Variants in AP2B1 observed in about 807,000 individuals in gnomAD.
The protein encoded by AP2B1 is AP-2 complex subunit beta.
A neutral mutation model predicts 102.0 loss-of-function variants in AP2B1; 23 were observed. The observed-to-expected ratio is 0.23, with a 90% confidence interval of 0.16 to 0.32. AP2B1 has a LOEUF of 0.32. Ranked by LOEUF, AP2B1 falls within the 10% of genes least tolerant of loss-of-function variation. The probability of loss-of-function intolerance (pLI) is 1.00; values close to 1 mark genes in which losing one functional copy is unlikely to be tolerated. For missense variants in AP2B1, 541 were observed against 1,157.4 expected (o/e 0.47, Z 7.73); for synonymous variants, 381 against 421.2 (o/e 0.90, Z 1.17).
At chr17:35,704,103 T>C (rs1165488986) in intron 18 of AP2B1, among the ~76,000 whole-genome samples, 2 of 152,194 alleles carry the variant, frequency 1.3e-5, no homozygotes, top group Non-Finnish European at 2.9e-5. Context: ...TCTTTAAAGC[T>C]GATTTAGTTA....
intron 13 of AP2B1, among the ~76,000 whole-genome samples, chr17:35,655,397 G>A (rs1160592517): frequency 6.6e-6 from 1 of 152,124 alleles, no homozygotes; most frequent in Non-Finnish European, 1.5e-5. Context: ...GATTCATTTT[G>A]TCTGTTCCTG....
At chr17:35,717,428 A>G in intron 21 of AP2B1, 79 bp downstream of exon 21, 8 of 1,510,832 alleles carry the variant, frequency 5.3e-6, no homozygotes, top group Non-Finnish European at 7.3e-6. Flanking sequence ...AGCACCCTAG[A>G]AAGACCTGGA....
intron 9 of AP2B1, among the ~76,000 whole-genome samples, chr17:35,629,205 C>T (rs1261464187): frequency 2.0e-5 from 3 of 152,192 alleles, no homozygotes; most frequent in Admixed American, 2.0e-4. Flanking sequence ...GCCTCAGCCT[C>T]CCAAAGTGTT....
chr17:35,718,057 GAT>G (rs1446767409), intron 21 of AP2B1, among the ~76,000 whole-genome samples: 1 of 152,194 alleles, frequency 6.6e-6, no homozygotes, highest in Non-Finnish European at 1.5e-5. Context: ...AAACCCTTGG[GAT>G]GGGAGAAATA....
Position 35,657,653 on chromosome 17 carries a change from G to C in AP2B1, c.1851G>C (p.Gln617His), listed in dbSNP as rs1211451001. Residue 617 changes from glutamine (Q) to histidine (H), a missense_variant, in exon 14 of 22, where the codon CAG (glutamine) becomes CAC (histidine). Physicochemically the swap from Gln to His is conservative, Grantham distance 24. This residue lies in a region of AP2B1 where 39 missense variants were observed against 42.0 expected (regional missense o/e 0.93). Transcript: ENST00000610402. Reference sequence around the variant, plus strand: ...CTACCACTGCAACGAACCTGGAACAGCCTCAGGTTATCCCCTCTCAAGGTG... The same window carrying C: ...CTACCACTGCAACGAACCTGGAACACCCTCAGGTTATCCCCTCTCAAGGTG... Reference protein sequence around the residue: ...VGTTTATNLEQPQVIPSQGDL... With the variant: ...VGTTTATNLEHPQVIPSQGDL... 2 of 1,614,168 alleles carry C rather than the reference G, an allele frequency of 1.2e-6. No individual in the cohort carries two copies. The highest frequency in any genetic ancestry group is 1.7e-6 in the Non-Finnish European group (2 of 1,180,000).
At chr17:35,720,934 A>G (rs1555592883) in intron 21 of AP2B1, among the ~76,000 whole-genome samples, 1 of 152,130 alleles carries the variant, frequency 6.6e-6, no homozygotes. Context: ...GTAGAGGGGT[A>G]TCAGAGGTAT....
At chr17:35,598,031 G>A (rs1183299210) in intron 2 of AP2B1, among the ~76,000 whole-genome samples, 199 bp from the exon 3 acceptor site, 3 of 152,166 alleles carry the variant, frequency 2.0e-5, no homozygotes, top group Admixed American at 2.0e-4. Flanking sequence ...TAATTTAAAA[G>A]ATTTTTAAAA....
chr17:35,702,010 G>A (rs1312418907), intron 18 of AP2B1, among the ~76,000 whole-genome samples: 1 of 152,202 alleles, frequency 6.6e-6, no homozygotes, highest in East Asian at 1.9e-4. Flanking sequence ...TTCTTACTCA[G>A]CACCTATTCT....
At chr17:35,623,709 A>G (rs2074244560) in intron 5 of AP2B1, among the ~76,000 whole-genome samples, 1 of 152,202 alleles carries the variant, frequency 6.6e-6, no homozygotes, top group South Asian at 2.1e-4. Flanking sequence ...ACTGTAGCTT[A>G]CAGTTGATGA....
chr17:35,653,835 G>T (rs1457439488), intron 13 of AP2B1, among the ~76,000 whole-genome samples: 1 of 152,042 alleles, frequency 6.6e-6, no homozygotes, highest in Non-Finnish European at 1.5e-5. Flanking sequence ...CTCTGGGCAT[G>T]AGCCACCGTG....
intron 18 of AP2B1, 84 bp from the exon 19 acceptor site, chr17:35,709,140 C>T (rs971627521): frequency 8.6e-7 from 1 of 1,164,618 alleles, no homozygotes; most frequent in Non-Finnish European, 1.3e-6. Context: ...AATAGGGAGG[C>T]CTATTTCTAG....
chr17:35,693,181 C>G (rs1015560011), intron 18 of AP2B1, among the ~76,000 whole-genome samples: 6 of 152,036 alleles, frequency 3.9e-5, no homozygotes, highest in Non-Finnish European at 8.8e-5. Flanking sequence ...CCACGCTCAG[C>G]TAATTTTTTG....
chr17:35,693,273 C>T (rs2076076263), intron 18 of AP2B1, among the ~76,000 whole-genome samples: 1 of 152,120 alleles, frequency 6.6e-6, no homozygotes, highest in African/African-American at 2.4e-5. Context: ...CCGCCCACCT[C>T]GACCTCCCAG....
chr17:35,659,439 T>C (rs1476302503), intron 14 of AP2B1, among the ~76,000 whole-genome samples: 1 of 152,224 alleles, frequency 6.6e-6, no homozygotes, highest in Admixed American at 6.5e-5. Context: ...TTGTATTAGC[T>C]CATGCCAACT....
chr17:35,650,486 A>T, intron 12 of AP2B1, 44 bp from the exon 13 acceptor site: 1 of 1,597,966 alleles, frequency 6.3e-7, no homozygotes, highest in Non-Finnish European at 8.5e-7. Context: ...TTCTGTATGG[A>T]GAACAGTTTC....
intron 2 of AP2B1, chr17:35,596,981 C>T (rs2073307757): frequency 4.5e-6 from 3 of 663,926 alleles, no homozygotes; most frequent in Non-Finnish European, 2.8e-6. Context: ...GTGCGCCTTT[C>T]GGAGAGGAGC....
At chr17:35,709,602 A>T (rs894245373) in intron 19 of AP2B1, among the ~76,000 whole-genome samples, 2 of 152,180 alleles carry the variant, frequency 1.3e-5, no homozygotes, top group East Asian at 3.8e-4. Context: ...CAGCTCTGCT[A>T]TTTATTTGCT....
intron 9 of AP2B1, among the ~76,000 whole-genome samples, chr17:35,631,938 T>C (rs988513811): frequency 1.3e-5 from 2 of 152,234 alleles, no homozygotes; most frequent in Non-Finnish European, 2.9e-5. Context: ...TAGTTAGCAT[T>C]TATTTTCCTA....
At chr17:35,590,771 G>A (rs1205817017) in intron 1 of AP2B1, among the ~76,000 whole-genome samples, 1 of 152,110 alleles carries the variant, frequency 6.6e-6, no homozygotes, top group Admixed American at 6.6e-5. Flanking sequence ...CAGTGAACAG[G>A]ATAGTAATAT....
Sources: gnomAD v4.1 joint callset for allele counts (sites outside exome capture counted in the v4.1 genomes callset) on GRCh38, gnomAD v4.1.1 for gene constraint, gnomAD v4.1.1 regional missense constraint, MANE v1.5 for transcripts, NCBI Gene and HGNC (gene_info 2026-07-23, HGNC 2026-07-21) for gene names.